The following ALK variants were observed in gnomAD, a reference collection of about 807,000 sequenced individuals.
ALK encodes the protein ALK receptor tyrosine kinase, also known as ALK tyrosine kinase receptor.
A neutral mutation model predicts 163.1 loss-of-function variants in ALK; 74 were observed. The ratio of observed to expected loss-of-function variants is 0.45; its 90% CI spans 0.38 to 0.55. The LOEUF (loss-of-function observed/expected upper bound fraction) is 0.55, where lower values mean the gene tolerates loss of function less well. ALK is among the 20% of genes least tolerant of loss of function. The pLI is 0.00. For missense variants in ALK, 2,063 were observed against 2,105.3 expected (o/e 0.98, Z 0.39); for synonymous variants, 960 against 843.2 (o/e 1.14, Z -2.40).
At chr2:29,389,202 G>A (rs572805425) in intron 4 of ALK, among the ~76,000 whole-genome samples, 54 of 152,342 alleles carry the variant, frequency 3.5e-4, no homozygotes, top group Admixed American at 1.3e-3. Context: ...TGGTGAGAAA[G>A]AATAAACATA....
chr2:29,524,447 C>A (rs1490531661), intron 4 of ALK, among the ~76,000 whole-genome samples: 1 of 152,138 alleles, frequency 6.6e-6, no homozygotes, highest in Admixed American at 6.5e-5. Flanking sequence ...AGAAATGGAC[C>A]CAGAAGATCT....
chr2:29,876,445 A>G (rs1005741275), intron 1 of ALK, among the ~76,000 whole-genome samples: 3 of 144,366 alleles, frequency 2.1e-5, no homozygotes, highest in Non-Finnish European at 4.5e-5. Flanking sequence ...GGTAGTGGTG[A>G]GGATGATGGT....
intron 2 of ALK, among the ~76,000 whole-genome samples, chr2:29,701,638 A>C (rs1678739441): frequency 6.6e-6 from 1 of 152,186 alleles, no homozygotes; most frequent in Non-Finnish European, 1.5e-5. Context: ...GTGTGTATAG[A>C]AGAGCCCTGA....
intron 1 of ALK, among the ~76,000 whole-genome samples, chr2:29,829,760 C>G (rs1370569516): frequency 1.3e-5 from 2 of 152,196 alleles, no homozygotes; most frequent in Admixed American, 6.5e-5. Flanking sequence ...AAGACTGTCT[C>G]TGATTCTCTG....
chr2:29,620,617 G>A (rs562386686), intron 3 of ALK, among the ~76,000 whole-genome samples: 24 of 152,124 alleles, frequency 1.6e-4, no homozygotes, highest in Middle Eastern at 3.4e-3. Flanking sequence ...ATGGCACTAC[G>A]TAAATCAGCC....
At chr2:29,884,051 G>C (rs548871622) in intron 1 of ALK, among the ~76,000 whole-genome samples, 1 of 152,108 alleles carries the variant, frequency 6.6e-6, no homozygotes, top group Non-Finnish European at 1.5e-5. Flanking sequence ...CAAATGTAAA[G>C]ATGCAGCATT....
At chr2:29,336,654 G>T (rs538744003) in intron 5 of ALK, among the ~76,000 whole-genome samples, 4 of 152,170 alleles carry the variant, frequency 2.6e-5, no homozygotes, top group Admixed American at 6.5e-5. Context: ...AGAAACCCAT[G>T]CATCCTCTGC....
At chr2:29,781,774 C>T (rs544334385) in intron 1 of ALK, among the ~76,000 whole-genome samples, 5 of 152,278 alleles carry the variant, frequency 3.3e-5, no homozygotes, top group African/African-American at 1.2e-4. Flanking sequence ...ATTTCTCTAG[C>T]CAAATTCTCC....
At chr2:29,204,082 C>T (rs1277364256) in intron 26 of ALK, among the ~76,000 whole-genome samples, 1 of 152,060 alleles carries the variant, frequency 6.6e-6, no homozygotes, top group Non-Finnish European at 1.5e-5. Flanking sequence ...GCATTTCTGT[C>T]ATCAAATTTT....
chr2:29,726,711 G>C (rs1199369993), intron 1 of ALK, among the ~76,000 whole-genome samples: 1 of 152,222 alleles, frequency 6.6e-6, no homozygotes, highest in Non-Finnish European at 1.5e-5. Context: ...GGGAGCTCCA[G>C]CGTGGAAGAG....
At chr2:29,710,893 C>T (rs190989295) in intron 2 of ALK, among the ~76,000 whole-genome samples, 28 of 152,278 alleles carry the variant, frequency 1.8e-4, no homozygotes, top group Non-Finnish European at 3.7e-4. Flanking sequence ...CTCTACTGGC[C>T]ATCTTCACCT....
At chr2:29,705,280 T>TATATATATATAA (rs1553349839) in intron 2 of ALK, among the ~76,000 whole-genome samples, 1 of 34,232 alleles carries the variant, frequency 2.9e-5, no homozygotes, top group African/African-American at 2.3e-4. Context: ...TATATATATA[T>TATATATATATAA]AAATATATAT....
intron 1 of ALK, among the ~76,000 whole-genome samples, chr2:29,740,053 G>A (rs768698171): frequency 6.6e-6 from 1 of 152,112 alleles, no homozygotes; most frequent in Non-Finnish European, 1.5e-5. Flanking sequence ...TTGATTGAAT[G>A]CCTACACCAT....
At chr2:29,869,575 T>G (rs1666525283) in intron 1 of ALK, among the ~76,000 whole-genome samples, 1 of 152,170 alleles carries the variant, frequency 6.6e-6, no homozygotes, top group African/African-American at 2.4e-5. Context: ...GAAAATCAAT[T>G]TAGATCCTAC....
At chr2:29,273,035 T>C (rs941077349) in intron 11 of ALK, among the ~76,000 whole-genome samples, 1 of 152,224 alleles carries the variant, frequency 6.6e-6, no homozygotes, top group African/African-American at 2.4e-5. Flanking sequence ...CCACGCTCTA[T>C]GATCTTTCCT....
At chr2:29,225,200 C>T (rs1663924799) in intron 19 of ALK, among the ~76,000 whole-genome samples, 1 of 152,030 alleles carries the variant, frequency 6.6e-6, no homozygotes, top group Non-Finnish European at 1.5e-5. Context: ...AAGGAGCTCC[C>T]CACCCCCTGA....
At chr2:29,666,495 C>T (rs1677518314) in intron 3 of ALK, among the ~76,000 whole-genome samples, 1 of 152,244 alleles carries the variant, frequency 6.6e-6, no homozygotes, top group South Asian at 2.1e-4. Context: ...TAGACCAGTA[C>T]TCATTACTCA....
At chr2:29,772,285 A>C (rs1200940100) in intron 1 of ALK, among the ~76,000 whole-genome samples, 1 of 152,256 alleles carries the variant, frequency 6.6e-6, no homozygotes, top group African/African-American at 2.4e-5. Context: ...ATATCAAACA[A>C]AGCAAAACAA....
At chr2:29,240,126 A>G (rs1020360318) in intron 12 of ALK, among the ~76,000 whole-genome samples, 1 of 145,240 alleles carries the variant, frequency 6.9e-6, no homozygotes, top group Non-Finnish European at 1.5e-5. Context: ...AAGGGAGAGA[A>G]GGAGGGGAGA....
Sources: allele counts gnomAD v4.1 joint callset (sites outside exome capture counted in the v4.1 genomes callset), GRCh38; gene constraint gnomAD v4.1.1; transcripts MANE v1.5; gene names NCBI Gene and HGNC (gene_info 2026-07-23, HGNC 2026-07-21).